The following ELP2 variants were observed in gnomAD, a reference collection of about 807,000 sequenced individuals.
ELP2 encodes the protein elongator complex protein 2.
A neutral mutation model predicts 119.2 loss-of-function variants in ELP2; 90 were observed. The ratio of observed to expected loss-of-function variants is 0.75; its 90% CI spans 0.64 to 0.90. ELP2 has a LOEUF of 0.90. ELP2 is among the 40% of genes least tolerant of loss of function. The pLI is 0.00. For missense variants in ELP2, 921 were observed against 967.8 expected (o/e 0.95, Z 0.64); for synonymous variants, 339 against 331.0 (o/e 1.02, Z -0.26).
intron 9 of ELP2, chr18:36,145,505 T>C (rs763319568): frequency 2.8e-5 from 8 of 289,754 alleles, no homozygotes; most frequent in Non-Finnish European, 5.3e-5. Flanking sequence ...GGTGTATAGC[T>C]AGGTAAGGCA....
intron 17 of ELP2, among the ~76,000 whole-genome samples, chr18:36,162,196 AT>A (rs2090762225): frequency 6.6e-6 from 1 of 152,136 alleles, no homozygotes; most frequent in Non-Finnish European, 1.5e-5. Flanking sequence ...CTCTTTGGCA[AT>A]TCCTCTTTTC....
intron 8 of ELP2, among the ~76,000 whole-genome samples, chr18:36,143,421 C>CT (rs67196641): frequency 0.01 from 1,018 of 98,022 alleles, 27 homozygotes; most frequent in African/African-American, 0.034. Context: ...CGTGCCTGGC[C>CT]TTTTTTTTTT....
At chr18:36,137,862 C>A (rs540416961) in intron 3 of ELP2, among the ~76,000 whole-genome samples, 1 of 144,064 alleles carries the variant, frequency 6.9e-6, no homozygotes, top group South Asian at 2.4e-4. Context: ...GCAGACAATA[C>A]TTCTACTAAA....
chr18:36,142,122 G>A (rs989812906), intron 6 of ELP2, among the ~76,000 whole-genome samples, 159 bp from the exon 7 acceptor site: 9 of 152,156 alleles, frequency 5.9e-5, no homozygotes, highest in Non-Finnish European at 1.2e-4. Context: ...ATTACGTGAT[G>A]GGTTTTTCAT....
chr18:36,174,962 G>T lies in ELP2; in HGVS notation c.*321G>T. On this transcript the variant is annotated 3_prime_UTR_variant, in exon 22 of 22. Coordinates refer to ENST00000358232, the MANE Select transcript of ELP2 (RefSeq NM_018255.4). ...CTTGCCTCGGCCTCCCAAAGTGCTG[G>T]GATTACAGGCGTGAGCCACTGCGCC... 3.0e-6 allele frequency: 1 copy of T among 328,862 alleles called. No individual in the cohort carries two copies. 20.4% of individuals were successfully genotyped at this position (328,862 alleles called of 1,614,324 possible).
intron 14 of ELP2, 84 bp downstream of exon 14, chr18:36,158,988 T>G (rs893342811): frequency 1.1e-6 from 1 of 946,498 alleles, no homozygotes; most frequent in Non-Finnish European, 1.7e-6. Context: ...TACCTAATGT[T>G]TGTTACAGCT....
chr18:36,149,080 T>C (rs1004658244), intron 11 of ELP2, among the ~76,000 whole-genome samples: 1 of 152,232 alleles, frequency 6.6e-6, no homozygotes, highest in Admixed American at 6.5e-5. Context: ...ATGTCATCTC[T>C]TGCTCTTGAG....
chr18:36,142,118 T>A (rs964867940), intron 6 of ELP2, among the ~76,000 whole-genome samples, 163 bp from the exon 7 acceptor site: 1 of 152,210 alleles, frequency 6.6e-6, no homozygotes, highest in African/African-American at 2.4e-5. Context: ...AGATATTACG[T>A]GATGGGTTTT....
chr18:36,169,921 G>A lies in ELP2; in HGVS notation c.2077-142G>A, dbSNP rs1030003122. 1.3e-5 allele frequency: 14 copies of A among 1,077,110 alleles called. No individual in the cohort carries two copies. The East Asian group carries it at 2.7e-4, about 21-fold the overall frequency. The allele number at this position is 1,077,110 out of a possible 1,614,324, so 66.7% of individuals were successfully genotyped here. A position where few individuals can be genotyped will look rare whatever the true frequency, so the allele number is the denominator to read the frequency against. The stretch of plus-strand genomic sequence containing the variant: ...ATGCTTGAAATGCTCTCAAGTCCTG[G>A]CACACCATACACGAATGTAATGATG... On this transcript the variant is annotated intron_variant, in intron 19 of 21. Transcript: ENST00000358232.
At chr18:36,144,842 T>A in intron 8 of ELP2, 97 bp from the exon 9 acceptor site, 1 of 1,002,802 alleles carries the variant, frequency 1.0e-6, no homozygotes, top group East Asian at 2.4e-5. Flanking sequence ...TTGTCCTAAT[T>A]TTTTTTTCTT....
intron 21 of ELP2, among the ~76,000 whole-genome samples, chr18:36,174,016 A>G (rs866065781): frequency 6.6e-6 from 1 of 152,120 alleles, no homozygotes; most frequent in South Asian, 2.1e-4. Flanking sequence ...TAAATCTGTC[A>G]TTGTCTTTCT....
intron 15 of ELP2, 32 bp downstream of exon 15, chr18:36,159,862 G>C: frequency 1.2e-6 from 2 of 1,605,966 alleles, no homozygotes; most frequent in South Asian, 2.2e-5. Flanking sequence ...TTAATAAATC[G>C]CTAGAACACA....
chr18:36,132,834 T>C (rs1013917061), intron 1 of ELP2, among the ~76,000 whole-genome samples: 34 of 152,184 alleles, frequency 2.2e-4, no homozygotes, highest in Middle Eastern at 3.4e-3. Context: ...TTTTTTCTTT[T>C]GGTCAGAGAA....
chr18:36,130,852 A>G (rs4799850), intron 1 of ELP2, among the ~76,000 whole-genome samples: 2 of 152,274 alleles, frequency 1.3e-5, no homozygotes, highest in South Asian at 4.1e-4. Context: ...TTCTGTTCAT[A>G]CGGCTTTATT....
chr18:36,149,875 G>A (rs1405667913), intron 11 of ELP2, among the ~76,000 whole-genome samples: 1 of 152,046 alleles, frequency 6.6e-6, no homozygotes, highest in Non-Finnish European at 1.5e-5. Flanking sequence ...CTACTTCTCT[G>A]TCAAACTGTG....
At chr18:36,132,141 C>T (rs1320604830) in intron 1 of ELP2, among the ~76,000 whole-genome samples, 2 of 152,038 alleles carry the variant, frequency 1.3e-5, no homozygotes. Flanking sequence ...AACTCCTGGC[C>T]TCCTGAAGTG....
At chr18:36,154,764 G>A in intron 11 of ELP2, 86 bp from the exon 12 acceptor site, 1 of 1,491,384 alleles carries the variant, frequency 6.7e-7, no homozygotes, top group Non-Finnish European at 9.3e-7. Context: ...GAGGGCTTTA[G>A]TCTTCTCTGT....
chr18:36,141,406 T>C (rs777153580), intron 6 of ELP2: 14 of 581,870 alleles, frequency 2.4e-5, no homozygotes, highest in Non-Finnish European at 4.1e-5. Flanking sequence ...AGGCTCAGAG[T>C]TGTTAGGGGG....
intron 17 of ELP2, among the ~76,000 whole-genome samples, chr18:36,162,241 A>G (rs997320559): frequency 6.6e-6 from 1 of 152,086 alleles, no homozygotes; most frequent in Non-Finnish European, 1.5e-5. Context: ...CTCCATCCCT[A>G]GGAAACCACT....
Sources: allele counts gnomAD v4.1 joint callset (sites outside exome capture counted in the v4.1 genomes callset), GRCh38; gene constraint gnomAD v4.1.1; transcripts MANE v1.5; gene names NCBI Gene and HGNC (gene_info 2026-07-23, HGNC 2026-07-21).